The following LETM1 variants were observed in gnomAD, a reference collection of about 807,000 sequenced individuals.
LETM1 encodes the protein mitochondrial proton/calcium exchanger protein.
In LETM1, 50 loss-of-function variants were observed where a neutral mutation model predicts 74.5. The ratio of observed to expected loss-of-function variants is 0.67; its 90% CI spans 0.53 to 0.85. The LOEUF is 0.85. Among genes scored for constraint, LETM1 ranks in the 40% least tolerant of loss-of-function variants. The pLI is 0.00. For synonymous variants in LETM1, 446 were observed against 407.1 expected, an observed-to-expected ratio of 1.10 and a Z score of -1.15; for missense variants, 824 against 967.8, an observed-to-expected ratio of 0.85 and a Z score of 1.97.
chr4:1,841,300 G>A (rs1182066406), intron 3 of LETM1, 47 bp downstream of exon 3: 2 of 1,552,560 alleles, frequency 1.3e-6, no homozygotes, highest in Non-Finnish European at 1.8e-6. Flanking sequence ...TCCAGCCTGG[G>A]TGATAGAGCA....
intron 1 of LETM1, among the ~76,000 whole-genome samples, chr4:1,851,806 C>T (rs1560511529): frequency 6.6e-6 from 1 of 152,352 alleles, no homozygotes; most frequent in East Asian, 1.9e-4. Context: ...AGCAGGCAGG[C>T]TGGCAGGTCT....
At chr4:1,821,076 A>C (rs569664916) in intron 10 of LETM1, among the ~76,000 whole-genome samples, 2 of 152,144 alleles carry the variant, frequency 1.3e-5, no homozygotes, top group South Asian at 4.1e-4. Flanking sequence ...CCATGTGATC[A>C]TGATTCTTTT....
At chr4:1,828,626 G>C (rs1712117690) in intron 6 of LETM1, among the ~76,000 whole-genome samples, 1 of 132,608 alleles carries the variant, frequency 7.5e-6, no homozygotes, top group Non-Finnish European at 1.6e-5. Context: ...TCCCAGTAGG[G>C]GCGGCCGGGC....
At chr4:1,833,768 A>C (rs1712363156) in intron 5 of LETM1, 1 of 152,408 alleles carries the variant, frequency 6.6e-6, no homozygotes, top group Non-Finnish European at 1.5e-5. Context: ...GACGAGGCTG[A>C]CTTGGTGCCC....
intron 3 of LETM1, among the ~76,000 whole-genome samples, chr4:1,839,788 C>T (rs1306338127): frequency 6.6e-6 from 1 of 152,216 alleles, no homozygotes; most frequent in Admixed American, 6.5e-5. Flanking sequence ...CCCAAGAGGA[C>T]TGGGTTCAAG....
chr4:1,851,380 A>G (rs1713066642), intron 1 of LETM1, among the ~76,000 whole-genome samples: 1 of 152,090 alleles, frequency 6.6e-6, no homozygotes, highest in African/African-American at 2.4e-5. Context: ...CCACCGTGAG[A>G]GGACGAACAA....
intron 2 of LETM1, among the ~76,000 whole-genome samples, chr4:1,848,732 A>AG (rs1712968847): frequency 2.0e-5 from 3 of 150,790 alleles, no homozygotes; most frequent in South Asian, 2.1e-4. Context: ...AAAAAAAAAA[A>AG]AAAAGAAAAA....
At chr4:1,821,249 T>C (rs1048247531) in intron 10 of LETM1, among the ~76,000 whole-genome samples, 4 of 151,694 alleles carry the variant, frequency 2.6e-5, no homozygotes, top group African/African-American at 7.3e-5. Context: ...CATGCCACCA[T>C]GTCTGGCTAA....
intron 3 of LETM1, 76 bp downstream of exon 3, chr4:1,841,271 G>A: frequency 7.2e-7 from 1 of 1,387,110 alleles, no homozygotes. Flanking sequence ...CCCATGCCCA[G>A]GAAATTGCGC....
chr4:1,825,677 C>A lies in LETM1; in HGVS notation c.1087G>T (p.Ala363Ser), dbSNP rs1365892902. 3.7e-6 allele frequency: 6 copies of A among 1,612,852 alleles called. No homozygotes were observed. The highest frequency in any genetic ancestry group is 5.1e-6 in the Non-Finnish European group (6 of 1,179,302). ...RSIKADDKLI[A>S]EEGVDSLNVK... ...TTCAGGCTGTCCACCCCTTCCTCAG[C>A]AATCAGCTAGAAAACAAAGCAGTGA... Residue 363 changes from alanine to serine, a missense_variant, in exon 7 of 14, where the codon GCT becomes TCT. Around this residue, in one of 4 missense-constraint regions of LETM1, gnomAD observed 269 missense variants for 348.8 expected, o/e 0.77. Coordinates refer to ENST00000302787, the MANE Select transcript of LETM1 (RefSeq NM_012318.3).
rs965298820 is a variant in LETM1, at chr4:1,836,757, G to T, written c.595-185C>A. Among the ~76,000 whole-genome samples the T allele has an allele frequency of 2.0e-5, 3 of 152,156 alleles. No individual in the cohort carries two copies. Among genetic ancestry groups the T allele is most frequent in the African/African-American group, 7.2e-5 (3 of 41,422 alleles). On this transcript the variant is annotated intron_variant, in intron 3 of 13. Coordinates refer to ENST00000302787, the MANE Select transcript of LETM1 (RefSeq NM_012318.3). The surrounding 1 kb of genome is among the most constrained non-coding windows in gnomAD (Gnocchi z 5.8). ...TTCCCAAAACCCACTTCTTTCTCAG[G>T]GTCCAAAGCAGGTACCAGCAGCCTC...
chr4:1,828,238 C>T (rs1266681893), intron 6 of LETM1, among the ~76,000 whole-genome samples: 1 of 137,272 alleles, frequency 7.3e-6, no homozygotes, highest in Non-Finnish European at 1.6e-5. Context: ...GACCGCCCCC[C>T]ACCTCCCTCC....
rs983856422 is a variant in LETM1 at position 1,836,138 on chromosome 4, C to T, written c.738+291G>A. On this transcript the variant is annotated intron_variant, in intron 4 of 13. Coordinates refer to ENST00000302787, the MANE Select transcript of LETM1 (RefSeq NM_012318.3). The surrounding 1 kb of genome is among the most constrained non-coding windows in gnomAD (Gnocchi z 5.8). ...CTGAGGCAGGAGATTCGCTTGAACC[C>T]GGGAGGCAGAGGTTGTATGCAGTGA... 2.7e-5 allele frequency among the ~76,000 whole-genome samples: 4 copies of T among 150,638 alleles called. No homozygotes were observed. Among genetic ancestry groups the T allele is most frequent in the African/African-American group, 4.9e-5 (2 of 40,884 alleles).
chr4:1,849,676 C>T (rs61313263), intron 1 of LETM1, among the ~76,000 whole-genome samples: 4,187 of 152,324 alleles, frequency 0.027, 193 homozygotes, highest in African/African-American at 0.096. Flanking sequence ...TTTGCCTCAG[C>T]CTCCCAAGTA....
intron 7 of LETM1, 71 bp downstream of exon 7, chr4:1,825,493 C>T (rs1033517628): frequency 2.7e-5 from 42 of 1,553,598 alleles, no homozygotes; most frequent in Admixed American, 8.8e-5. Context: ...GAAGAGCCTC[C>T]GAGTGGCCTT....
rs370899433 is a variant in LETM1, at chr4:1,814,574, C to A, written c.2071-1G>T. On this transcript the variant is annotated splice_acceptor_variant, in intron 13 of 13. Coordinates refer to ENST00000302787, the MANE Select transcript of LETM1 (RefSeq NM_012318.3). LOFTEE classifies it high-confidence loss of function. ...CTTCTTTGTCCACCAGCTCAATCAC[C>A]TACACACGTGGGAAAGGGAGAGGCT... 2.5e-6 allele frequency: 4 copies of A among 1,612,780 alleles called. No individual in the cohort carries two copies. The highest frequency in any genetic ancestry group is 3.4e-6 in the Non-Finnish European group (4 of 1,179,336).
Position 1,815,730 on chromosome 4 carries a change from G to A in LETM1, c.2004C>T (p.Leu668=), listed in dbSNP as rs1711549970. 1 of 1,614,122 alleles carries A rather than the reference G, an allele frequency of 6.2e-7. No homozygotes were observed. Among genetic ancestry groups the A allele is most frequent in the Non-Finnish European group, 8.5e-7 (1 of 1,180,036 alleles). ...CATCCAGTGCTGCGGCCAGGCTGGTGAGCTTGCTTTCGGGAATGTGCTTGA... is the reference window on the plus strand; with the variant it reads ...CATCCAGTGCTGCGGCCAGGCTGGTAAGCTTGCTTTCGGGAATGTGCTTGA... ...KQVKHIPESK[L]TSLAAALDEN... Residue 668 remains leucine (L), a synonymous_variant, in exon 13 of 14, where the codon CTC becomes CTT. Transcript: ENST00000302787.
intron 4 of LETM1, among the ~76,000 whole-genome samples, chr4:1,835,226 C>G (rs948606155): frequency 2.0e-5 from 3 of 152,160 alleles, no homozygotes; most frequent in Non-Finnish European, 4.4e-5. Flanking sequence ...GGGTGGATCA[C>G]CTGAGGTCAG....
chr4:1,842,437 C>A (rs968264167), intron 2 of LETM1, among the ~76,000 whole-genome samples: 1 of 152,084 alleles, frequency 6.6e-6, no homozygotes, highest in African/African-American at 2.4e-5. Flanking sequence ...CTCACACCTG[C>A]CCCCCCGCCT....
Sources: allele counts gnomAD v4.1 joint callset (sites outside exome capture counted in the v4.1 genomes callset), GRCh38; gene constraint gnomAD v4.1.1; regional missense constraint gnomAD v4.1.1; non-coding constraint Gnocchi (gnomAD v3.1); transcripts MANE v1.5; gene names NCBI Gene and HGNC (gene_info 2026-07-23, HGNC 2026-07-21).